ADAM23: variants seen among roughly 807,000 people sequenced by gnomAD.
ADAM23 encodes ADAM metallopeptidase domain 23.
Under a neutral mutation model 120.1 loss-of-function variants are expected in ADAM23, and 33 were observed. That is an observed-to-expected ratio of 0.27 (90% CI 0.21 to 0.37). ADAM23 has a LOEUF of 0.37. Among genes scored for constraint, ADAM23 ranks in the 10% least tolerant of loss-of-function variants. The pLI, the probability that ADAM23 is intolerant of heterozygous loss-of-function variation, is 1.00. For synonymous variants in ADAM23, 367 were observed against 375.2 expected (o/e 0.98, Z 0.25); for missense variants, 862 against 1,058.2 (o/e 0.81, Z 2.57).
chr2:206,575,725 T>C (rs1698097973), intron 18 of ADAM23, among the ~76,000 whole-genome samples: 1 of 152,280 alleles, frequency 6.6e-6, no homozygotes, highest in South Asian at 2.1e-4. Context: ...ACTGACAAAA[T>C]TGGGTCCAGA....
At chr2:206,453,840 T>C (rs954191073) in intron 2 of ADAM23, among the ~76,000 whole-genome samples, 1 of 152,254 alleles carries the variant, frequency 6.6e-6, no homozygotes, top group Non-Finnish European at 1.5e-5. Flanking sequence ...TTTTGTTATA[T>C]GGGTGTCCTG....
intron 3 of ADAM23, among the ~76,000 whole-genome samples, chr2:206,520,753 C>T (rs1402821616): frequency 1.3e-5 from 2 of 152,040 alleles, no homozygotes; most frequent in Non-Finnish European, 2.9e-5. Context: ...GAAGTCTTTG[C>T]AGCTTCTGCT....
intron 14 of ADAM23, among the ~76,000 whole-genome samples, chr2:206,566,823 A>G (rs577777289): frequency 6.7e-6 from 1 of 149,702 alleles, no homozygotes; most frequent in African/African-American, 2.5e-5. Context: ...TAGTACGTTC[A>G]TGAGCTCCTT....
At chr2:206,458,845 G>C (rs1451091301) in intron 2 of ADAM23, among the ~76,000 whole-genome samples, 2 of 152,048 alleles carry the variant, frequency 1.3e-5, no homozygotes, top group Non-Finnish European at 2.9e-5. Flanking sequence ...GTAGTTTTCT[G>C]GCTTTGGAAT....
chr2:206,541,271 C>A (rs1418036745), intron 4 of ADAM23, among the ~76,000 whole-genome samples: 1 of 151,934 alleles, frequency 6.6e-6, no homozygotes, highest in Non-Finnish European at 1.5e-5. Context: ...AATGAAAATA[C>A]AATAATTATA....
intron 7 of ADAM23, 65 bp downstream of exon 7, chr2:206,547,566 A>C: frequency 5.1e-6 from 7 of 1,373,050 alleles, no homozygotes; most frequent in African/African-American, 1.5e-5. Context: ...GGTGGAGCTC[A>C]GTAGATATGC....
intron 8 of ADAM23, among the ~76,000 whole-genome samples, chr2:206,549,643 T>A (rs191571608): frequency 1.2e-4 from 19 of 152,136 alleles, no homozygotes; most frequent in Admixed American, 1.0e-3. Flanking sequence ...GATATCTGTA[T>A]CAGATATATC....
intron 18 of ADAM23, among the ~76,000 whole-genome samples, chr2:206,579,517 T>C (rs1002301109): frequency 1.3e-5 from 2 of 152,206 alleles, no homozygotes; most frequent in African/African-American, 4.8e-5. Context: ...TATGTTTTGT[T>C]TGCTTTATCA....
chr2:206,574,774 A>T (rs955613408), intron 18 of ADAM23, among the ~76,000 whole-genome samples: 1 of 152,170 alleles, frequency 6.6e-6, no homozygotes, highest in Non-Finnish European at 1.5e-5. Context: ...TCTTCTTCCC[A>T]TTAAGCTTAT....
chr2:206,469,475 A>G (rs745933916), intron 2 of ADAM23, among the ~76,000 whole-genome samples: 11 of 152,068 alleles, frequency 7.2e-5, no homozygotes, highest in African/African-American at 1.2e-4. Context: ...TCAAACCCCT[A>G]TCACCTCCTA....
intron 3 of ADAM23, among the ~76,000 whole-genome samples, chr2:206,502,011 C>A (rs900679906): frequency 5.9e-5 from 9 of 151,824 alleles, no homozygotes; most frequent in African/African-American, 1.9e-4. Context: ...AATTTGATGC[C>A]AAAAATTAAT....
At chr2:206,507,078 A>G (rs1461400410) in intron 3 of ADAM23, among the ~76,000 whole-genome samples, 1 of 152,252 alleles carries the variant, frequency 6.6e-6, no homozygotes, top group African/African-American at 2.4e-5. Flanking sequence ...GCTTTTCAAC[A>G]TTCACATAGT....
intron 3 of ADAM23, among the ~76,000 whole-genome samples, chr2:206,515,578 G>T (rs977981935): frequency 6.6e-6 from 1 of 152,140 alleles, no homozygotes; most frequent in Admixed American, 6.5e-5. Context: ...CACTATTTTG[G>T]TAATAAAGTC....
intron 4 of ADAM23, among the ~76,000 whole-genome samples, chr2:206,540,551 A>G (rs1697269576): frequency 6.6e-6 from 1 of 152,148 alleles, no homozygotes; most frequent in African/African-American, 2.4e-5. Flanking sequence ...ACCAATACAA[A>G]GACAGGAGAA....
chr2:206,445,002 C>A (rs982809056), intron 1 of ADAM23, among the ~76,000 whole-genome samples: 20 of 149,782 alleles, frequency 1.3e-4, no homozygotes, highest in Non-Finnish European at 2.1e-4. Context: ...CATTCTACCC[C>A]CCCCCCAACA....
At chr2:206,496,764 TAAA>T (rs754041695) in intron 3 of ADAM23, among the ~76,000 whole-genome samples, 20 of 151,716 alleles carry the variant, frequency 1.3e-4, no homozygotes, top group Admixed American at 2.6e-4. Context: ...GCAAGACTAA[TAAA>T]GAAGAAAAGA....
At position 206,481,279 on chromosome 2, in the gene ADAM23, C is replaced by A. The variant is rs1233388618; in HGVS notation, c.480C>A (p.Ser160=). 1.2e-6 allele frequency: 2 copies of A among 1,609,874 alleles called. No homozygotes were observed. Among genetic ancestry groups the A allele is most frequent in the Non-Finnish European group, 1.7e-6 (2 of 1,178,350 alleles). Residue 160 remains serine (S), a synonymous_variant, in exon 3 of 26, where the codon TCC becomes TCA. Transcript: ENST00000264377. The part of the protein sequence containing the change: ...QASFQIEAFG[S]KFILDLILNN... ...GCTTCCAGATTGAAGCCTTCGGCTC[C>A]AAATTCATTCTTGACCTCATACTGA...
chr2:206,533,790 G>A (rs1697121012), intron 4 of ADAM23, among the ~76,000 whole-genome samples: 1 of 152,170 alleles, frequency 6.6e-6, no homozygotes, highest in Non-Finnish European at 1.5e-5. Context: ...TGGGTTAAAA[G>A]TGCTTCTTTC....
intron 3 of ADAM23, among the ~76,000 whole-genome samples, chr2:206,514,079 T>G (rs1180119507): frequency 6.6e-6 from 1 of 152,198 alleles, no homozygotes; most frequent in African/African-American, 2.4e-5. Context: ...ATGTTGTTTT[T>G]ATGCCTGATA....
Sources: allele counts gnomAD v4.1 joint callset (sites outside exome capture counted in the v4.1 genomes callset), GRCh38; gene constraint gnomAD v4.1.1; transcripts MANE v1.5; gene names NCBI Gene and HGNC (gene_info 2026-07-23, HGNC 2026-07-21).